The following OPCML variants were observed in gnomAD, a reference collection of about 807,000 sequenced individuals.
OPCML encodes opioid binding protein/cell adhesion molecule like.
A neutral mutation model predicts 37.8 loss-of-function variants in OPCML; 13 were observed. The ratio of observed to expected loss-of-function variants is 0.34; its 90% confidence interval spans 0.22 to 0.55. OPCML has a LOEUF of 0.55. Ranked by LOEUF, OPCML falls within the 20% of genes least tolerant of loss-of-function variation. The probability of loss-of-function intolerance (pLI) is 0.91; values close to 1 mark genes in which losing one functional copy is unlikely to be tolerated. For missense variants in OPCML, 341 were observed against 435.6 expected (o/e 0.78, Z 1.93); for synonymous variants, 176 against 168.8 (o/e 1.04, Z -0.33).
chr11:133,522,686 C>T (rs778151410), intron 1 of OPCML, among the ~76,000 whole-genome samples: 1 of 152,090 alleles, frequency 6.6e-6, no homozygotes. Flanking sequence ...ATATGACACG[C>T]GACAGGTGAC....
At chr11:133,170,412 G>A (rs1194870317) in intron 1 of OPCML, among the ~76,000 whole-genome samples, 1 of 152,242 alleles carries the variant, frequency 6.6e-6, no homozygotes, top group Non-Finnish European at 1.5e-5. Flanking sequence ...CGTGAACCCA[G>A]GAGGCAGAGC....
intron 1 of OPCML, among the ~76,000 whole-genome samples, chr11:133,036,408 G>GT (rs1947784950): frequency 6.6e-6 from 1 of 152,202 alleles, no homozygotes; most frequent in Non-Finnish European, 1.5e-5. Context: ...AAATTTTATT[G>GT]TTAGCATTTG....
chr11:133,198,984 C>T (rs1938650115), intron 1 of OPCML, among the ~76,000 whole-genome samples: 1 of 152,112 alleles, frequency 6.6e-6, no homozygotes, highest in Non-Finnish European at 1.5e-5. Context: ...ATAGCTTACT[C>T]TCCTGTACAC....
intron 1 of OPCML, among the ~76,000 whole-genome samples, chr11:133,327,591 AT>A (rs1372683155): frequency 6.6e-6 from 1 of 152,020 alleles, no homozygotes; most frequent in East Asian, 1.9e-4. Context: ...GTTTATGCTC[AT>A]TTTCCCTTCT....
At chr11:133,042,072 C>G (rs1299521410) in intron 1 of OPCML, among the ~76,000 whole-genome samples, 1 of 152,142 alleles carries the variant, frequency 6.6e-6, no homozygotes, top group Non-Finnish European at 1.5e-5. Flanking sequence ...TATTCCCTCT[C>G]TGGACACTGA....
At chr11:132,488,033 C>G (rs929736088) in intron 4 of OPCML, among the ~76,000 whole-genome samples, 1 of 152,214 alleles carries the variant, frequency 6.6e-6, no homozygotes, top group Non-Finnish European at 1.5e-5. Context: ...TTTGCAGCCA[C>G]AGCTCCTGCC....
At chr11:132,918,334 A>T (rs1202291017) in intron 2 of OPCML, among the ~76,000 whole-genome samples, 8 of 152,166 alleles carry the variant, frequency 5.3e-5, no homozygotes, top group Non-Finnish European at 1.2e-4. Flanking sequence ...AGATCAAAAT[A>T]CAGAACATTC....
At chr11:132,692,071 C>G (rs969008750) in intron 2 of OPCML, among the ~76,000 whole-genome samples, 26 of 152,164 alleles carry the variant, frequency 1.7e-4, no homozygotes, top group African/African-American at 6.0e-4. Context: ...GCAGCACCTG[C>G]TCCCCGACTG....
chr11:132,643,225 C>G (rs746050229), intron 3 of OPCML, among the ~76,000 whole-genome samples: 143 of 152,268 alleles, frequency 9.4e-4, no homozygotes, highest in Non-Finnish European at 1.6e-3. Flanking sequence ...TGCGGTGAGC[C>G]GAGACAATGC....
At chr11:133,179,700 G>A (rs1937731274) in intron 1 of OPCML, among the ~76,000 whole-genome samples, 1 of 152,230 alleles carries the variant, frequency 6.6e-6, no homozygotes, top group Non-Finnish European at 1.5e-5. Context: ...TGAGAGCAGA[G>A]TGTGTGGAAC....
chr11:133,400,946 C>T (rs1333704786), intron 1 of OPCML, among the ~76,000 whole-genome samples: 1 of 152,198 alleles, frequency 6.6e-6, no homozygotes, highest in African/African-American at 2.4e-5. Flanking sequence ...CACTGCAACC[C>T]TTTTCCTGCT....
intron 1 of OPCML, among the ~76,000 whole-genome samples, chr11:133,453,716 A>G (rs533199966): frequency 1.4e-5 from 2 of 146,560 alleles, no homozygotes; most frequent in Admixed American, 6.7e-5. Context: ...TGAATCCTCA[A>G]AATGTTTTTC....
At chr11:132,849,947 A>T (rs1941727115) in intron 2 of OPCML, among the ~76,000 whole-genome samples, 1 of 152,234 alleles carries the variant, frequency 6.6e-6, no homozygotes, top group African/African-American at 2.4e-5. Context: ...CCACTCGAGC[A>T]GATGACGCAC....
intron 2 of OPCML, among the ~76,000 whole-genome samples, chr11:132,708,441 C>T (rs1944124554): frequency 6.6e-6 from 1 of 152,156 alleles, no homozygotes; most frequent in East Asian, 1.9e-4. Context: ...ATAACACTTC[C>T]ATATGTGGAG....
At chr11:132,774,234 G>T (rs1005502888) in intron 2 of OPCML, among the ~76,000 whole-genome samples, 1 of 152,150 alleles carries the variant, frequency 6.6e-6, no homozygotes, top group Non-Finnish European at 1.5e-5. Context: ...TTCAAAACAC[G>T]CAGCCTGGTC....
In OPCML at chr11:133,174,228, C is replaced by T. The variant is rs933178931; in HGVS notation, c.62-231218G>A. Among the ~76,000 whole-genome samples the T allele has an allele frequency of 2.0e-5, 3 of 152,128 alleles. No individual in the cohort carries two copies. Among genetic ancestry groups the T allele is most frequent in the African/African-American group, 7.2e-5 (3 of 41,418 alleles). ...CGACAGGAAGAAGGAAATGGAGCTC[C>T]GGAGTAACTCCTAGAAGGCGAAGCA... On this transcript the variant is annotated intron_variant, in intron 1 of 7. Transcript: ENST00000524381. The surrounding 1 kb of genome is among the most constrained non-coding windows in gnomAD (Gnocchi z 4.6).
chr11:132,866,378 C>A (rs1463778201), intron 2 of OPCML, among the ~76,000 whole-genome samples: 1 of 152,182 alleles, frequency 6.6e-6, no homozygotes, highest in Non-Finnish European at 1.5e-5. Context: ...GCTGTGGATA[C>A]ACCTTGGCTA....
chr11:132,583,230 T>A (rs1015080993), intron 3 of OPCML, among the ~76,000 whole-genome samples: 12 of 152,066 alleles, frequency 7.9e-5, no homozygotes, highest in Admixed American at 3.3e-4. Context: ...CCTGGCTAAT[T>A]TTTTTAAATT....
chr11:133,060,388 C>T (rs950541099), intron 1 of OPCML, among the ~76,000 whole-genome samples: 1 of 152,210 alleles, frequency 6.6e-6, no homozygotes, highest in African/African-American at 2.4e-5. Context: ...AAAATATAAG[C>T]ATCTGACACA....
Sources: gnomAD v4.1 joint callset for allele counts (sites outside exome capture counted in the v4.1 genomes callset) on GRCh38, gnomAD v4.1.1 for gene constraint, Gnocchi (gnomAD v3.1) non-coding constraint, MANE v1.5 for transcripts, NCBI Gene and HGNC (gene_info 2026-07-23, HGNC 2026-07-21) for gene names.